The following PDSS2 variants were observed in gnomAD, a reference collection of about 807,000 sequenced individuals.
The protein encoded by PDSS2 is all trans-polyprenyl-diphosphate synthase PDSS2.
A neutral mutation model predicts 44.5 loss-of-function variants in PDSS2; 31 were observed. That is an observed-to-expected ratio of 0.70 (90% CI 0.52 to 0.94). The LOEUF (loss-of-function observed/expected upper bound fraction) is 0.94, where lower values mean the gene tolerates loss of function less well. Among genes scored for constraint, PDSS2 ranks in the 40% least tolerant of loss-of-function variants. PDSS2 has a pLI of 0.00. For synonymous variants in PDSS2, 157 were observed against 180.3 expected (o/e 0.87, Z 1.03); for missense variants, 452 against 482.2 (o/e 0.94, Z 0.59).
intron 2 of PDSS2, among the ~76,000 whole-genome samples, chr6:107,332,326 G>T (rs9486589): frequency 0.011 from 1,662 of 151,992 alleles, 28 homozygotes; most frequent in African/African-American, 0.036. Flanking sequence ...GGCTGGTCTT[G>T]AACTCCTGGA....
chr6:107,432,847 C>G (rs1781234794), intron 1 of PDSS2, among the ~76,000 whole-genome samples: 1 of 152,130 alleles, frequency 6.6e-6, no homozygotes, highest in South Asian at 2.1e-4. Flanking sequence ...ATTCACCCTA[C>G]AATGCCACAG....
intron 6 of PDSS2, among the ~76,000 whole-genome samples, chr6:107,207,742 T>G (rs1773033698): frequency 6.6e-6 from 1 of 151,226 alleles, no homozygotes; most frequent in Admixed American, 6.6e-5. Flanking sequence ...CCTGAGTAGC[T>G]GGGATTACAG....
intron 2 of PDSS2, among the ~76,000 whole-genome samples, chr6:107,306,548 C>CA (rs1454321022): frequency 6.6e-6 from 1 of 151,944 alleles, no homozygotes; most frequent in Non-Finnish European, 1.5e-5. Context: ...GTAAATTGCT[C>CA]AAAAAAATTG....
At chr6:107,158,193 T>C (rs1318526149) in intron 7 of PDSS2, among the ~76,000 whole-genome samples, 3 of 150,778 alleles carry the variant, frequency 2.0e-5, no homozygotes, top group African/African-American at 7.3e-5. Context: ...TTTCTTTTTT[T>C]TTTTTTTTTC....
chr6:107,414,991 A>G (rs1337131819), intron 1 of PDSS2, among the ~76,000 whole-genome samples: 1 of 152,094 alleles, frequency 6.6e-6, no homozygotes, highest in African/African-American at 2.4e-5. Flanking sequence ...TAGAATCTCA[A>G]CTCAATGAGT....
chr6:107,445,870 T>C (rs995407519), intron 1 of PDSS2, among the ~76,000 whole-genome samples: 1 of 152,196 alleles, frequency 6.6e-6, no homozygotes, highest in Non-Finnish European at 1.5e-5. Flanking sequence ...CACGGTTAAG[T>C]ACTGACAGAG....
chr6:107,177,028 G>A (rs897223567), intron 7 of PDSS2, among the ~76,000 whole-genome samples: 8 of 150,650 alleles, frequency 5.3e-5, no homozygotes, highest in Non-Finnish European at 8.8e-5. Flanking sequence ...GAGCAGACAT[G>A]CCTGCTCTCA....
At chr6:107,189,334 A>AT (rs1315013427) in intron 7 of PDSS2, among the ~76,000 whole-genome samples, 4 of 151,090 alleles carry the variant, frequency 2.6e-5, no homozygotes, top group African/African-American at 9.7e-5. Context: ...CCAGACATAT[A>AT]TTTTTTTTCT....
intron 2 of PDSS2, among the ~76,000 whole-genome samples, chr6:107,304,400 T>C (rs963903417): frequency 1.3e-5 from 2 of 152,272 alleles, no homozygotes; most frequent in Admixed American, 1.3e-4. Flanking sequence ...TACGTAACGC[T>C]TTTCTTTAGA....
chr6:107,245,505 G>T, intron 4 of PDSS2, 43 bp downstream of exon 4: 1 of 977,940 alleles, frequency 1.0e-6, no homozygotes, highest in Non-Finnish European at 1.5e-6. Context: ...GTTGTACCAC[G>T]ACGGTTTATA....
chr6:107,320,666 C>A (rs552805192), intron 2 of PDSS2, among the ~76,000 whole-genome samples: 26 of 152,278 alleles, frequency 1.7e-4, no homozygotes, highest in African/African-American at 6.3e-4. Context: ...TAATGGCCTG[C>A]AAACATAAAC....
intron 6 of PDSS2, among the ~76,000 whole-genome samples, chr6:107,208,315 T>TTTA (rs1418899584): frequency 2.7e-5 from 3 of 111,372 alleles, no homozygotes; most frequent in African/African-American, 3.5e-5. Context: ...TTTTTTTTTT[T>TTTA]AAAGACAGTC....
At chr6:107,296,780 T>G (rs972239663) in intron 2 of PDSS2, among the ~76,000 whole-genome samples, 6 of 152,088 alleles carry the variant, frequency 3.9e-5, no homozygotes, top group African/African-American at 1.4e-4. Flanking sequence ...TGAACTCAAT[T>G]CATCCTTTAC....
intron 4 of PDSS2, among the ~76,000 whole-genome samples, chr6:107,223,828 A>C (rs1457784492): frequency 6.7e-6 from 1 of 149,952 alleles, no homozygotes; most frequent in African/African-American, 2.5e-5. Flanking sequence ...CCATTGAAGA[A>C]ATCCCAGAGT....
At chr6:107,253,651 T>C (rs568176529) in intron 3 of PDSS2, among the ~76,000 whole-genome samples, 2 of 152,326 alleles carry the variant, frequency 1.3e-5, no homozygotes, top group African/African-American at 4.8e-5. Context: ...TGCAGCTATA[T>C]ACATTTTTAA....
chr6:107,344,529 G>T (rs554266078), intron 1 of PDSS2, among the ~76,000 whole-genome samples: 2 of 152,202 alleles, frequency 1.3e-5, no homozygotes, highest in East Asian at 3.9e-4. Flanking sequence ...CATCCCACCT[G>T]CATTAAATCC....
At chr6:107,297,541 C>T (rs1018129607) in intron 2 of PDSS2, among the ~76,000 whole-genome samples, 3 of 151,734 alleles carry the variant, frequency 2.0e-5, no homozygotes, top group Admixed American at 1.3e-4. Flanking sequence ...CGTCACCATG[C>T]CCGGCTAATT....
intron 1 of PDSS2, among the ~76,000 whole-genome samples, chr6:107,383,067 C>T (rs974819244): frequency 6.6e-5 from 10 of 151,398 alleles, no homozygotes; most frequent in South Asian, 2.1e-4. Flanking sequence ...TTTGGGAGGC[C>T]GAGGCAGGCA....
intron 1 of PDSS2, among the ~76,000 whole-genome samples, chr6:107,446,899 C>T (rs1017612303): frequency 6.6e-6 from 1 of 151,936 alleles, no homozygotes; most frequent in Admixed American, 6.6e-5. Flanking sequence ...TCCCAAATCT[C>T]GTGTGCTCAC....
Sources: gnomAD v4.1 joint callset for allele counts (sites outside exome capture counted in the v4.1 genomes callset) on GRCh38, gnomAD v4.1.1 for gene constraint, MANE v1.5 for transcripts, NCBI Gene and HGNC (gene_info 2026-07-23, HGNC 2026-07-21) for gene names.